TNXB: variants seen among roughly 807,000 people sequenced by gnomAD.
TNXB encodes the protein tenascin-X.
A neutral mutation model predicts 340.5 loss-of-function variants in TNXB; 183 were observed. The observed-to-expected ratio is 0.54, with a 90% CI of 0.48 to 0.61. TNXB has a LOEUF of 0.61. Among genes scored for constraint, TNXB ranks in the 20% least tolerant of loss-of-function variants. TNXB has a pLI of 0.00. For synonymous variants in TNXB, 2,121 were observed against 2,314.5 expected (o/e 0.92, Z 2.40); for missense variants, 4,613 against 5,446.4 (o/e 0.85, Z 4.82).
intron 25 of TNXB, 139 bp downstream of exon 25, chr6:32,053,249 C>T (rs1777405303): frequency 7.3e-7 from 1 of 1,376,728 alleles, no homozygotes; most frequent in Admixed American, 2.2e-5. Context: ...ATCTGTCAGT[C>T]CTCAGGGAAG....
rs1778807723 is a variant in TNXB, at chr6:32,072,093, C to T, written c.4887G>A (p.Glu1629=). The change falls in exon 13 of 44, where the codon GAG becomes GAA. Residue 1629 remains glutamate, a synonymous_variant. Coordinates refer to ENST00000644971, the MANE Select transcript of TNXB (RefSeq NM_001365276.2). The surrounding 1 kb of genome is among the most constrained non-coding windows in gnomAD (Gnocchi z 4.4). ...AGGGTTCCAGGTCAGGGATAGTGAC[C>T]TCCCGCTGATCTGCAGCCACGGGCA... ...QVVPVAADQR[E]VTIPDLEPSR... 6.2e-7 allele frequency: 1 copy of T among 1,612,938 alleles called. No individual in the cohort carries two copies. The highest frequency in any genetic ancestry group is 1.1e-5 in the South Asian group (1 of 90,914).
chr6:32,073,353 G>A lies in TNXB; in HGVS notation c.4681+294C>T, dbSNP rs1778884962. On this transcript the variant is annotated intron_variant, in intron 12 of 43. Transcript: ENST00000644971. This position sits in a 1 kb window ranked among gnomAD's most constrained non-coding sequence, Gnocchi z 4.6. The stretch of plus-strand genomic sequence containing the variant: ...GTGGAAACAGCTGTGGGCAGTCGGA[G>A]AGGGGGAGAGAAAGTCTGTGGCTGG... Among the ~76,000 whole-genome samples, 1 of 152,202 alleles carries A rather than the reference G, an allele frequency of 6.6e-6. No homozygotes were observed. The highest frequency in any genetic ancestry group is 1.9e-4 in the East Asian group (1 of 5,204).
At chr6:32,063,903 T>C (rs1359710225) in intron 19 of TNXB, among the ~76,000 whole-genome samples, 2 of 152,204 alleles carry the variant, frequency 1.3e-5, no homozygotes, top group Non-Finnish European at 2.9e-5. Flanking sequence ...ATGGCCAATA[T>C]TTACAATTAA....
chr6:32,055,655 C>T (rs1353443590), intron 24 of TNXB, among the ~76,000 whole-genome samples, 196 bp downstream of exon 24: 3 of 152,192 alleles, frequency 2.0e-5, no homozygotes, highest in Non-Finnish European at 4.4e-5. Context: ...CAGCAGCATC[C>T]GCATCATTTC....
rs780564843 is a variant in TNXB at position 32,050,106 on chromosome 6, C to G, written c.9331G>C (p.Asp3111His). 1.5e-5 allele frequency: 25 copies of G among 1,613,638 alleles called. No individual in the cohort carries two copies. Among genetic ancestry groups the G allele is most frequent in the Non-Finnish European group, 1.1e-5 (13 of 1,179,894 alleles). Reference protein sequence around the residue: ...PKAVRVPGHEDGVTISGLEPD... With the variant: ...PKAVRVPGHEHGVTISGLEPD... ...TCCAGGCCTGAGATGGTGACCCCGT[C>G]CTCGTGCCCCGGCACCCGCACCGCC... The change falls in exon 27 of 44, where the codon GAC becomes CAC. Residue 3111 changes from aspartate (D) to histidine (H), a missense_variant. By Grantham distance (81) the Asp-to-His change is moderately conservative. This residue lies in a region of TNXB where 4,327 missense variants were observed against 4,859.4 expected (regional missense o/e 0.89). Transcript: ENST00000644971.
In TNXB at chr6:32,090,214, C is replaced by T. The variant is rs762247908; in HGVS notation, c.2359-835G>A. Reference sequence around the variant, plus strand: ...GGTCCCTGTCCTCAGGTAGCTGAGACTCTAATAGCTAAATGTATGGCCACA... The same window carrying T: ...GGTCCCTGTCCTCAGGTAGCTGAGATTCTAATAGCTAAATGTATGGCCACA... On this transcript the variant is annotated intron_variant, in intron 4 of 43. Coordinates refer to ENST00000644971, the MANE Select transcript of TNXB (RefSeq NM_001365276.2). The surrounding 1 kb of genome is among the most constrained non-coding windows in gnomAD (Gnocchi z 4.3). 3.9e-4 allele frequency among the ~76,000 whole-genome samples: 60 copies of T among 152,210 alleles called. No homozygotes were observed. The highest frequency in any genetic ancestry group is 2.7e-3 in the Admixed American group (41 of 15,286).
intron 31 of TNXB, chr6:32,045,873 C>T (rs1229422949): frequency 9.4e-6 from 11 of 1,170,308 alleles, no homozygotes; most frequent in African/African-American, 3.1e-5. Flanking sequence ...GGCCACCCTT[C>T]GGGGAGGCGA....
chr6:32,062,589 G>C lies in TNXB; in HGVS notation c.6842-106C>G, dbSNP rs1778099011. The C allele has an allele frequency of 2.7e-6, 3 of 1,096,384 alleles. No individual in the cohort carries two copies. The highest frequency in any genetic ancestry group is 5.6e-5 in the Admixed American group (2 of 35,792). 67.9% of individuals were successfully genotyped at this position (1,096,384 alleles called of 1,614,324 possible). On this transcript the variant is annotated intron_variant, in intron 19 of 43. Coordinates refer to ENST00000644971, the MANE Select transcript of TNXB (RefSeq NM_001365276.2). This position sits in a 1 kb window ranked among gnomAD's most constrained non-coding sequence, Gnocchi z 4.3. Reference sequence around the variant, plus strand: ...CCAAGGGCCCACAGTCTGGATGCTGGTGCCCCAAGCTTAGAATATCATTTT... The same window carrying C: ...CCAAGGGCCCACAGTCTGGATGCTGCTGCCCCAAGCTTAGAATATCATTTT...
rs750212794 is a variant in TNXB at position 32,096,380 on chromosome 6, G to GTCCCGGCCTGTGTA, written c.1459_1472dup (p.Cys492ThrfsTer84). 1.9e-6 allele frequency: 3 copies of GTCCCGGCCTGTGTA among 1,562,874 alleles called. No individual in the cohort carries two copies. Among genetic ancestry groups the GTCCCGGCCTGTGTA allele is most frequent in the Non-Finnish European group, 2.6e-6 (3 of 1,161,812 alleles). ...CGCCAGGACAGGCGCGCGTGCCGCA[G>GTCCCGGCCTGTGTA]TCCCGGCCTGTGTACCCCGGCCAAC... On this transcript the variant is annotated frameshift_variant, in exon 3 of 44. Transcript: ENST00000644971. LOFTEE classifies it high-confidence loss of function.
rs933164661 is a variant in TNXB at position 32,079,447 on chromosome 6, G to A, written c.4043-82C>T. 9 of 1,180,156 alleles carry A rather than the reference G, an allele frequency of 7.6e-6. No homozygotes were observed. The highest frequency in any genetic ancestry group is 6.1e-5 in the African/African-American group (4 of 65,062). The allele number at this position is 1,180,156 out of a possible 1,614,324, so 73.1% of individuals were successfully genotyped here. On this transcript the variant is annotated intron_variant, in intron 10 of 43. Transcript: ENST00000644971. This position sits in a 1 kb window ranked among gnomAD's most constrained non-coding sequence, Gnocchi z 7.1. ...ATGACAGCCATGGAAATGCCCTTAC[G>A]CTGTGGGCTCAGGGGCTCTGTAGCC...
chr6:32,104,532 T>A (rs1167987608), intron 1 of TNXB, among the ~76,000 whole-genome samples: 1 of 152,234 alleles, frequency 6.6e-6, no homozygotes, highest in Non-Finnish European at 1.5e-5. Flanking sequence ...TATTTTCTCA[T>A]AAACATCTCT....
In TNXB at chr6:32,081,961, C is replaced by A; in HGVS notation, c.3736+75G>T. ...CAGCTGTCTTGCTGGGGGACCCCAGCTGGTTTTGGGCTGAAGGGAAGTGTG... is the reference window on the plus strand; with the variant it reads ...CAGCTGTCTTGCTGGGGGACCCCAGATGGTTTTGGGCTGAAGGGAAGTGTG... On this transcript the variant is annotated intron_variant, in intron 9 of 43. Coordinates refer to ENST00000644971, the MANE Select transcript of TNXB (RefSeq NM_001365276.2). The surrounding 1 kb of genome is among the most constrained non-coding windows in gnomAD (Gnocchi z 5.1). 6.9e-7 allele frequency: 1 copy of A among 1,447,770 alleles called. No homozygotes were observed. Among genetic ancestry groups the A allele is most frequent in the Non-Finnish European group, 9.3e-7 (1 of 1,074,582 alleles). 89.7% of individuals were successfully genotyped at this position (1,447,770 alleles called of 1,614,324 possible). A position where few individuals can be genotyped will look rare whatever the true frequency, so the allele number is the denominator to read the frequency against.
At position 32,046,377 on chromosome 6, in the gene TNXB, G is replaced by C. The variant is rs374182516; in HGVS notation, c.10404C>G (p.Ser3468=). The change falls in exon 31 of 44, where the codon TCC becomes TCG. Residue 3468 remains serine (S), a synonymous_variant. Coordinates refer to ENST00000644971, the MANE Select transcript of TNXB (RefSeq NM_001365276.2). This position sits in a 1 kb window ranked among gnomAD's most constrained non-coding sequence, Gnocchi z 6.9. ...CAAAGGGGCCCTGGGCTACCGTCCA[G>C]GACAGGCGCAGAGAGCTGGAGGTCT... ...AEETSSSLRL[S]WTVAQGPFDS... 1.9e-6 allele frequency: 3 copies of C among 1,597,266 alleles called. No homozygotes were observed. In the African/African-American group the frequency reaches 4.0e-5, roughly 21 times the overall value.
In TNXB at chr6:32,089,271, G is replaced by C. The variant is rs376984913; in HGVS notation, c.2467C>G (p.Leu823Val). ...GGAAGGCCCCAGCTGGTCCCTCGAA[G>C]GGCTCGGACAGTGACCTGGTACTCC... The part of the protein sequence containing the change: ...GQEYQVTVRA[L>V]RGTSWGLPAS... Residue 823 changes from leucine (L) to valine (V), a missense_variant, in exon 5 of 44, where the codon CTT (leucine) becomes GTT (valine). Transcript: ENST00000644971. The surrounding 1 kb of genome is among the most constrained non-coding windows in gnomAD (Gnocchi z 6.2). The C allele has an allele frequency of 8.1e-6, 13 of 1,606,984 alleles. No individual in the cohort carries two copies. The highest frequency in any genetic ancestry group is 1.1e-5 in the Non-Finnish European group (13 of 1,177,822).
Position 32,064,842 on chromosome 6 carries a change from C to T in TNXB, c.6820G>A (p.Val2274Met), listed in dbSNP as rs777941950. Reference sequence around the variant, plus strand: ...TCACCAGTTAAACCAACAGCAGACACGGGGCCCACGCGCTGGCCACCGTGG... The same window carrying T: ...TCACCAGTTAAACCAACAGCAGACATGGGGCCCACGCGCTGGCCACCGTGG... ...GFHGGQRVGPVSAVGLTAPGK... is the reference protein window; with the variant it reads ...GFHGGQRVGPMSAVGLTAPGK... Residue 2274 changes from valine (V) to methionine (M), a missense_variant, in exon 19 of 44, where the codon GTG becomes ATG. This residue lies in a region of TNXB where 4,327 missense variants were observed against 4,859.4 expected (regional missense o/e 0.89). Transcript: ENST00000644971. The surrounding 1 kb of genome is among the most constrained non-coding windows in gnomAD (Gnocchi z 5.3). The T allele has an allele frequency of 7.5e-6, 12 of 1,610,632 alleles. No homozygotes were observed. Among genetic ancestry groups the T allele is most frequent in the Admixed American group, 1.7e-5 (1 of 60,008 alleles).
chr6:32,072,138 C>T lies in TNXB; in HGVS notation c.4842G>A (p.Arg1614=). 6.2e-7 allele frequency: 1 copy of T among 1,613,476 alleles called. No homozygotes were observed. The highest frequency in any genetic ancestry group is 1.1e-5 in the South Asian group (1 of 90,996). Residue 1614 remains arginine, a synonymous_variant, in exon 13 of 44, where the codon AGG becomes AGA. Transcript: ENST00000644971. The surrounding 1 kb of genome is among the most constrained non-coding windows in gnomAD (Gnocchi z 4.4). ...CGGGCACCACCTGGGGCTGCCCGTC[C>T]CTGTCCTTGTACTGAACCACAAAGG... ...FDSFVVQYKD[R]DGQPQVVPVA... is the part of the protein sequence containing the mutation.
At position 32,081,198 on chromosome 6, in the gene TNXB, G is replaced by C. The variant is rs1188341892; in HGVS notation, c.4042+170C>G. On this transcript the variant is annotated intron_variant, in intron 10 of 43. Transcript: ENST00000644971. This position sits in a 1 kb window ranked among gnomAD's most constrained non-coding sequence, Gnocchi z 5.1. The stretch of plus-strand genomic sequence containing the variant: ...GATGAGGAGGTGGAGGCTGGATGAG[G>C]GGGACCTGGCATGCAGAGGACAGGA... Among the ~76,000 whole-genome samples, 1 of 152,140 alleles carries C rather than the reference G, an allele frequency of 6.6e-6. No individual in the cohort carries two copies. Among genetic ancestry groups the C allele is most frequent in the Non-Finnish European group, 1.5e-5 (1 of 68,022 alleles).
chr6:32,092,830 T>G (rs1423935738), intron 4 of TNXB, among the ~76,000 whole-genome samples: 1 of 152,206 alleles, frequency 6.6e-6, no homozygotes, highest in Non-Finnish European at 1.5e-5. Flanking sequence ...GAGGAGTGTC[T>G]GGGGACCAAT....
rs1348098262 is a variant in TNXB at position 32,093,305 on chromosome 6, C to CAA, written c.2358+1770_2358+1771insTT. 1.6e-5 allele frequency: 11 copies of CAA among 680,454 alleles called. No individual in the cohort carries two copies. The South Asian group carries it at 1.7e-4, about 10-fold the overall frequency. 42.2% of individuals were successfully genotyped at this position (680,454 alleles called of 1,614,324 possible). A position where few individuals can be genotyped will look rare whatever the true frequency, so the allele number is the denominator to read the frequency against. On this transcript the variant is annotated intron_variant, in intron 4 of 43. Transcript: ENST00000644971. Reference sequence around the variant, plus strand: ...TTTTCTCTAGTTGCCAAATTCTTGTCTCGTGATTAAAGTATTTTTATAACA... The same window carrying CAA: ...TTTTCTCTAGTTGCCAAATTCTTGTCAATCGTGATTAAAGTATTTTTATAACA...
Sources: gnomAD v4.1 joint callset for allele counts (sites outside exome capture counted in the v4.1 genomes callset) on GRCh38, gnomAD v4.1.1 for gene constraint, gnomAD v4.1.1 regional missense constraint, Gnocchi (gnomAD v3.1) non-coding constraint, MANE v1.5 for transcripts, NCBI Gene and HGNC (gene_info 2026-07-23, HGNC 2026-07-21) for gene names.